Variants in MBD5 observed in about 807,000 individuals in gnomAD.
The protein encoded by MBD5 is methyl-CpG binding domain protein 5.
A neutral mutation model predicts 117.3 loss-of-function variants in MBD5; 13 were observed. That is an observed-to-expected ratio of 0.11 (90% CI 0.07 to 0.18). MBD5 has a LOEUF of 0.18. MBD5 is among the 10% of genes least tolerant of loss of function. The probability of loss-of-function intolerance (pLI) is 1.00; values close to 1 mark genes in which losing one functional copy is unlikely to be tolerated. For missense variants in MBD5, 1,879 were observed against 2,093.8 expected, an observed-to-expected ratio of 0.90 and a Z score of 2.00; for synonymous variants, 727 against 766.4, an observed-to-expected ratio of 0.95 and a Z score of 0.85.
At chr2:148,390,671 G>T (rs1161633156) in intron 4 of MBD5, among the ~76,000 whole-genome samples, 2 of 151,598 alleles carry the variant, frequency 1.3e-5, no homozygotes, top group Non-Finnish European at 2.9e-5. Flanking sequence ...GACCTCCTGG[G>T]CTCAAGTGAT....
At chr2:148,211,056 A>G (rs1291729138) in intron 2 of MBD5, among the ~76,000 whole-genome samples, 2 of 152,298 alleles carry the variant, frequency 1.3e-5, no homozygotes, top group East Asian at 1.9e-4. Flanking sequence ...TCATACGTGA[A>G]TCAGCAAACC....
At chr2:148,028,212 T>C (rs1234396) in intron 1 of MBD5, 70,844 of 151,844 alleles carry the variant, frequency 0.47, 16,966 homozygotes, top group Middle Eastern at 0.62. Flanking sequence ...ATTATTAGAA[T>C]ACATTGTTTT....
In MBD5 at chr2:148,201,608, C is replaced by T. The variant is rs116706857; in HGVS notation, c.-831+22815C>T. Among the ~76,000 whole-genome samples the T allele has an allele frequency of 3.2e-3, 483 of 152,220 alleles. 1 individual carries two copies. The highest frequency in any genetic ancestry group is 0.01 in the African/African-American group (423 of 41,526). On this transcript the variant is annotated intron_variant, in intron 2 of 13. Coordinates refer to ENST00000642680, the MANE Select transcript of MBD5 (RefSeq NM_001378120.1). ...AGTGTTACAGCCTTCTGTGTACCCG[C>T]GTTCAGTCGGTCCGAAGTTCTTGTC...
chr2:148,208,644 G>A (rs1360855485), intron 2 of MBD5, among the ~76,000 whole-genome samples: 1 of 129,892 alleles, frequency 7.7e-6, no homozygotes, highest in Non-Finnish European at 1.6e-5. Context: ...TTTCATTTTT[G>A]GTTATCTGTT....
At chr2:148,076,395 T>G (rs1249532399) in intron 1 of MBD5, among the ~76,000 whole-genome samples, 1 of 152,194 alleles carries the variant, frequency 6.6e-6, no homozygotes, top group African/African-American at 2.4e-5. Context: ...AAGGTTTATT[T>G]CTTGCTCTCC....
At chr2:148,284,485 C>CATTT in intron 3 of MBD5, among the ~76,000 whole-genome samples, 1 of 152,286 alleles carries the variant, frequency 6.6e-6, no homozygotes, top group South Asian at 2.1e-4. Context: ...GGCAGACTTG[C>CATTT]ATTTGATCTG....
At position 148,148,337 on chromosome 2, in the gene MBD5, A is replaced by G. The variant is rs539907228; in HGVS notation, c.-924-30363A>G. Among the ~76,000 whole-genome samples, 5 of 152,336 alleles carry G rather than the reference A, an allele frequency of 3.3e-5. 1 individual carries two copies. In the East Asian group the frequency reaches 9.6e-4, roughly 29 times the overall value. The stretch of plus-strand genomic sequence containing the variant: ...GCTGCTAGTTTACACAGCTACCATA[A>G]TAGTGAAGCTTTTGGCTTTTGGCCT... On this transcript the variant is annotated intron_variant, in intron 1 of 13. Transcript: ENST00000642680.
intron 6 of MBD5, 78 bp from the exon 7 acceptor site, chr2:148,463,661 C>CT (rs1416352368): frequency 2.2e-4 from 338 of 1,522,994 alleles, no homozygotes; most frequent in Non-Finnish European, 2.5e-4. Flanking sequence ...CTATGCACAA[C>CT]TTTTTTTTTA....
chr2:148,155,164 A>T (rs1697838108), intron 1 of MBD5, among the ~76,000 whole-genome samples: 1 of 152,220 alleles, frequency 6.6e-6, no homozygotes, highest in Admixed American at 6.5e-5. Flanking sequence ...GAGAGCCAAG[A>T]TGAGGATAAA....
Position 148,489,719 on chromosome 2 carries a change from A to G in MBD5, c.4087A>G (p.Ile1363Val), listed in dbSNP as rs138376217. The change falls in exon 11 of 14, where the codon ATT becomes GTT. Residue 1363 changes from isoleucine to valine, a missense_variant. Around this residue, in one of 4 missense-constraint regions of MBD5, gnomAD observed 1,666 missense variants for 1,792.2 expected, o/e 0.93. Transcript: ENST00000642680. ...TGCCATGAGTGCCTTCACTGCCTCAATTGGTGACCCATTAAATCTCTCCAG... is the reference window on the plus strand; with the variant it reads ...TGCCATGAGTGCCTTCACTGCCTCAGTTGGTGACCCATTAAATCTCTCCAG... Reference protein sequence around the residue: ...LSAMSAFTASIGDPLNLSSAV... With the variant: ...LSAMSAFTASVGDPLNLSSAV... The G allele has an allele frequency of 6.8e-6, 11 of 1,614,212 alleles. No homozygotes were observed. The highest frequency in any genetic ancestry group is 2.2e-5 in the East Asian group (1 of 44,874).
At chr2:148,357,659 C>T (rs1172769842) in intron 4 of MBD5, among the ~76,000 whole-genome samples, 1 of 151,762 alleles carries the variant, frequency 6.6e-6, no homozygotes, top group Non-Finnish European at 1.5e-5. Flanking sequence ...CCTTCTACAA[C>T]TTTTATTATT....
chr2:148,416,016 G>A (rs1193238516), intron 4 of MBD5, among the ~76,000 whole-genome samples: 1 of 152,162 alleles, frequency 6.6e-6, no homozygotes, highest in Non-Finnish European at 1.5e-5. Flanking sequence ...TGGTGCCATC[G>A]TTTGGAGGTA....
At chr2:148,258,423 G>A (rs1700643488) in intron 3 of MBD5, among the ~76,000 whole-genome samples, 1 of 152,114 alleles carries the variant, frequency 6.6e-6, no homozygotes, top group Non-Finnish European at 1.5e-5. Flanking sequence ...GCTGCAATCT[G>A]CACCGGTATC....
chr2:148,154,864 A>T (rs1697824214), intron 1 of MBD5, among the ~76,000 whole-genome samples: 2 of 152,202 alleles, frequency 1.3e-5, no homozygotes, highest in African/African-American at 4.8e-5. Context: ...CCAGTACCTC[A>T]GATGGAAATG....
intron 4 of MBD5, among the ~76,000 whole-genome samples, chr2:148,421,559 C>T (rs1354964227): frequency 6.6e-6 from 1 of 151,966 alleles, no homozygotes; most frequent in Non-Finnish European, 1.5e-5. Context: ...CCAGTGGCAC[C>T]TGGAAATGCC....
intron 4 of MBD5, among the ~76,000 whole-genome samples, chr2:148,452,293 C>G (rs1434453490): frequency 6.6e-6 from 1 of 152,068 alleles, no homozygotes; most frequent in Non-Finnish European, 1.5e-5. Flanking sequence ...CTCAGGAGTT[C>G]AAGACCAGCC....
chr2:148,036,925 G>T (rs1302463941), intron 1 of MBD5, among the ~76,000 whole-genome samples: 3 of 151,942 alleles, frequency 2.0e-5, no homozygotes, highest in Non-Finnish European at 4.4e-5. Context: ...TGAACAGTTT[G>T]GTTGGGGGAC....
intron 4 of MBD5, among the ~76,000 whole-genome samples, chr2:148,424,876 T>G (rs954137704): frequency 9.9e-5 from 15 of 152,160 alleles, no homozygotes; most frequent in Non-Finnish European, 1.9e-4. Context: ...CTGGGACACA[T>G]TTCAAGCAGT....
At chr2:148,357,795 A>G (rs1703423962) in intron 4 of MBD5, among the ~76,000 whole-genome samples, 1 of 152,054 alleles carries the variant, frequency 6.6e-6, no homozygotes, top group Non-Finnish European at 1.5e-5. Flanking sequence ...GAGGGTTGAA[A>G]TATAAAATTA....
Sources: allele counts gnomAD v4.1 joint callset (sites outside exome capture counted in the v4.1 genomes callset), GRCh38; gene constraint gnomAD v4.1.1; regional missense constraint gnomAD v4.1.1; transcripts MANE v1.5; gene names NCBI Gene and HGNC (gene_info 2026-07-23, HGNC 2026-07-21).